Variants in PIWIL4 observed in about 807,000 individuals in gnomAD.
PIWIL4 encodes the protein piwi-like protein 4.
PIWIL4 carries 50 observed loss-of-function variants against 100.9 expected under a neutral mutation model. The ratio of observed to expected loss-of-function variants is 0.50; its 90% CI spans 0.39 to 0.63. The LOEUF is 0.63. PIWIL4 is among the 20% of genes least tolerant of loss of function. The probability of loss-of-function intolerance (pLI) is 0.00; values close to 1 mark genes in which losing one functional copy is unlikely to be tolerated. For missense variants in PIWIL4, 887 were observed against 1,043.3 expected (o/e 0.85, Z 2.06); for synonymous variants, 342 against 367.5 (o/e 0.93, Z 0.79).
chr11:94,577,157 C>T (rs554121198), intron 3 of PIWIL4, 121 bp from the exon 4 acceptor site: 24 of 769,108 alleles, frequency 3.1e-5, no homozygotes, highest in Non-Finnish European at 4.5e-5. Context: ...TGTCACTGTG[C>T]AAAAATCCTT....
intron 13 of PIWIL4, 113 bp downstream of exon 13, chr11:94,604,169 C>A: frequency 3.7e-6 from 2 of 536,000 alleles, no homozygotes; most frequent in Non-Finnish European, 6.4e-6. Context: ...ATGCATTTCT[C>A]CAAAGCACCG....
intron 1 of PIWIL4, among the ~76,000 whole-genome samples, chr11:94,568,323 GC>G (rs2135228567): frequency 6.6e-6 from 1 of 152,146 alleles, no homozygotes; most frequent in East Asian, 1.9e-4. Flanking sequence ...ACCTGTTTTG[GC>G]CCTGTTTATT....
chr11:94,607,774 T>TA, intron 14 of PIWIL4, 135 bp downstream of exon 14: 2 of 903,184 alleles, frequency 2.2e-6, no homozygotes, highest in Non-Finnish European at 1.6e-6. Flanking sequence ...GGTTCTGGCA[T>TA]TCCATAAGCC....
chr11:94,616,273 G>A (rs1324932280), intron 15 of PIWIL4, among the ~76,000 whole-genome samples: 2 of 152,156 alleles, frequency 1.3e-5, no homozygotes, highest in Non-Finnish European at 1.5e-5. Context: ...AGGATTTGAA[G>A]CTCGATATGG....
At chr11:94,620,273 G>GAATGAATGAATC (rs1206748822) in intron 19 of PIWIL4, 129 bp downstream of exon 19, 2 of 1,038,960 alleles carry the variant, frequency 1.9e-6, no homozygotes, top group Non-Finnish European at 2.7e-6. Flanking sequence ...AGGAATGAAT[G>GAATGAATGAATC]AATGAATGAA....
At chr11:94,596,570 T>TTA (rs1315186594) in intron 10 of PIWIL4, among the ~76,000 whole-genome samples, 1 of 152,192 alleles carries the variant, frequency 6.6e-6, no homozygotes, top group African/African-American at 2.4e-5. Flanking sequence ...TGATCTCTAT[T>TTA]ATCATGCTAG....
chr11:94,620,772 C>G (rs1188667980), intron 19 of PIWIL4, 104 bp from the exon 20 acceptor site: 1 of 781,220 alleles, frequency 1.3e-6, no homozygotes, highest in Non-Finnish European at 2.1e-6. Flanking sequence ...ACCCAGAAGC[C>G]CATTCTATTA....
At chr11:94,586,992 T>C in intron 6 of PIWIL4, 58 bp from the exon 7 acceptor site, 4 of 1,364,122 alleles carry the variant, frequency 2.9e-6, no homozygotes, top group African/African-American at 1.5e-5. Context: ...TAAAAATCTT[T>C]ATTGTGTTTC....
intron 2 of PIWIL4, among the ~76,000 whole-genome samples, chr11:94,570,435 C>T (rs917072366): frequency 6.6e-6 from 1 of 151,914 alleles, no homozygotes; most frequent in African/African-American, 2.4e-5. Context: ...CTTATGACAA[C>T]AGTCATACTG....
chr11:94,616,426 A>G, intron 15 of PIWIL4, 67 bp from the exon 16 acceptor site: 1 of 1,275,932 alleles, frequency 7.8e-7, no homozygotes, highest in Non-Finnish European at 1.1e-6. Context: ...TTAATTTAAT[A>G]TTAATGAATA....
intron 13 of PIWIL4, 146 bp from the exon 14 acceptor site, chr11:94,607,293 A>G: frequency 1.5e-6 from 1 of 675,492 alleles, no homozygotes; most frequent in Non-Finnish European, 2.5e-6. Flanking sequence ...GCCATTTAAG[A>G]GAACTGTAGG....
intron 11 of PIWIL4, among the ~76,000 whole-genome samples, chr11:94,599,561 G>A (rs1948607603): frequency 6.6e-6 from 1 of 152,224 alleles, no homozygotes; most frequent in South Asian, 2.1e-4. Context: ...GGACAGGAAT[G>A]AACGTTGACT....
chr11:94,586,943 T>C (rs547375960), intron 6 of PIWIL4, 107 bp from the exon 7 acceptor site: 10 of 1,124,728 alleles, frequency 8.9e-6, no homozygotes, highest in Non-Finnish European at 1.2e-5. Flanking sequence ...AAAAATTATC[T>C]TGTTAAGATC....
intron 11 of PIWIL4, among the ~76,000 whole-genome samples, chr11:94,599,758 TCTAAAC>T (rs1170048000): frequency 1.3e-5 from 2 of 152,248 alleles, no homozygotes; most frequent in Non-Finnish European, 2.9e-5. Flanking sequence ...AGACCAGCAT[TCTAAAC>T]CTGTCGCTGC....
intron 2 of PIWIL4, among the ~76,000 whole-genome samples, chr11:94,574,455 C>G (rs142323345): frequency 2.2e-3 from 342 of 152,238 alleles, no homozygotes; most frequent in African/African-American, 8.0e-3. Flanking sequence ...TCTCCTTAGC[C>G]AAGAAGTGAA....
At chr11:94,606,726 C>T (rs766596770) in intron 13 of PIWIL4, among the ~76,000 whole-genome samples, 32 of 151,312 alleles carry the variant, frequency 2.1e-4, no homozygotes, top group South Asian at 4.2e-4. Flanking sequence ...CCCAGCTACT[C>T]GGGAGGCTGA....
At chr11:94,615,457 A>G (rs1948835171) in intron 15 of PIWIL4, among the ~76,000 whole-genome samples, 1 of 152,194 alleles carries the variant, frequency 6.6e-6, no homozygotes, top group Non-Finnish European at 1.5e-5. Flanking sequence ...GAACGTCACC[A>G]TTGGAGTTAG....
At chr11:94,618,420 T>G (rs1045089071) in intron 17 of PIWIL4, among the ~76,000 whole-genome samples, 2 of 152,178 alleles carry the variant, frequency 1.3e-5, no homozygotes, top group African/African-American at 4.8e-5. Flanking sequence ...TGAAAATACT[T>G]CATACATATT....
rs535678437 is a variant in PIWIL4 at position 94,618,826 on chromosome 11, C to T, written c.2168+719C>T. On this transcript the variant is annotated intron_variant, in intron 17 of 19. Transcript: ENST00000299001. ...ATCATCACCATCAACCAAAGGGTCA[C>T]AGCCACAAGTCACAAAGGAGCTGAG... Among the ~76,000 whole-genome samples, 8 of 152,352 alleles carry T rather than the reference C, an allele frequency of 5.3e-5. No homozygotes were observed. The East Asian group carries it at 1.5e-3, about 29-fold the overall frequency.
Sources: allele counts gnomAD v4.1 joint callset (sites outside exome capture counted in the v4.1 genomes callset), GRCh38; gene constraint gnomAD v4.1.1; transcripts MANE v1.5; gene names NCBI Gene and HGNC (gene_info 2026-07-23, HGNC 2026-07-21).